The following METTL16 variants were observed in gnomAD, a reference collection of about 807,000 sequenced individuals.
The protein encoded by METTL16 is RNA N(6)-adenosine-methyltransferase METTL16.
METTL16 carries 19 observed loss-of-function variants against 57.9 expected under a neutral mutation model. The observed-to-expected ratio is 0.33, with a 90% confidence interval of 0.23 to 0.48. The LOEUF (loss-of-function observed/expected upper bound fraction) is 0.48, where lower values mean the gene tolerates loss of function less well. METTL16 is among the 20% of genes least tolerant of loss of function. METTL16 has a pLI of 0.99. For missense variants in METTL16, 434 were observed against 691.5 expected (o/e 0.63, Z 4.18); for synonymous variants, 246 against 255.6 (o/e 0.96, Z 0.36).
At chr17:2,472,900 T>C (rs961849680) in intron 4 of METTL16, among the ~76,000 whole-genome samples, 9 of 152,110 alleles carry the variant, frequency 5.9e-5, no homozygotes, top group Admixed American at 2.6e-4. Flanking sequence ...AACGATTCTG[T>C]GTATACCGTA....
chr17:2,502,990 T>C (rs2067500933), intron 1 of METTL16, among the ~76,000 whole-genome samples: 1 of 152,190 alleles, frequency 6.6e-6, no homozygotes, highest in African/African-American at 2.4e-5. Flanking sequence ...TCTCATGCAT[T>C]GCTGTTGGGA....
chr17:2,419,752 C>T lies in METTL16; in HGVS notation c.*218G>A. Reference sequence around the variant, plus strand: ...AGGGCTTTCTGTTGTTACTGATGACCACAATTCCTCCTTGTAAATGACCAC... The same window carrying T: ...AGGGCTTTCTGTTGTTACTGATGACTACAATTCCTCCTTGTAAATGACCAC... On this transcript the variant is annotated 3_prime_UTR_variant, in exon 10 of 10. Coordinates refer to ENST00000263092, the MANE Select transcript of METTL16 (RefSeq NM_024086.4). 1.4e-6 allele frequency: 1 copy of T among 704,826 alleles called. No homozygotes were observed. Among genetic ancestry groups the T allele is most frequent in the South Asian group, 1.5e-5 (1 of 66,892 alleles). The allele number at this position is 704,826 out of a possible 1,614,324, so 43.7% of individuals were successfully genotyped here.
chr17:2,502,409 G>A, intron 1 of METTL16, 78 bp from the exon 2 acceptor site: 2 of 1,410,218 alleles, frequency 1.4e-6, no homozygotes, highest in Non-Finnish European at 2.0e-6. Context: ...GGTGCCTCAT[G>A]CCTCTAATCC....
In METTL16 at chr17:2,477,678, T is replaced by C. The variant is rs1263585540; in HGVS notation, c.328+8A>G. On this transcript the variant is annotated splice_region_variant and intron_variant, in intron 3 of 9. Coordinates refer to ENST00000263092, the MANE Select transcript of METTL16 (RefSeq NM_024086.4). ...TGTTTAGCCAAAAAAGAATTTAAAA[T>C]GATATACCTATGTCAATTCCTCTTC... The C allele has an allele frequency of 1.9e-6, 3 of 1,600,158 alleles. No homozygotes were observed. The Admixed American group carries it at 5.0e-5, about 27-fold the overall frequency.
In METTL16 at chr17:2,425,632, C is replaced by A. The variant is rs946922346; in HGVS notation, c.889-4728G>T. Among the ~76,000 whole-genome samples the A allele has an allele frequency of 4.6e-5, 7 of 151,930 alleles. No individual in the cohort carries two copies. In the South Asian group the frequency reaches 8.3e-4, roughly 18 times the overall value. ...CACAAACAAACAAACAAACAAAAAA[C>A]CAGTTCTTAAATTTTAAAATATGCT... On this transcript the variant is annotated intron_variant, in intron 8 of 9. Coordinates refer to ENST00000263092, the MANE Select transcript of METTL16 (RefSeq NM_024086.4).
chr17:2,509,219 T>C (rs937887747), intron 1 of METTL16, among the ~76,000 whole-genome samples: 3 of 152,224 alleles, frequency 2.0e-5, no homozygotes, highest in Non-Finnish European at 4.4e-5. Flanking sequence ...GCAACCTGTA[T>C]ACAATAAATA....
chr17:2,449,528 AAAAC>A (rs1257781569), intron 6 of METTL16, among the ~76,000 whole-genome samples: 7 of 152,046 alleles, frequency 4.6e-5, no homozygotes, highest in Non-Finnish European at 7.4e-5. Context: ...TTGAAAACAA[AAAAC>A]AAACAAAAAA....
intron 8 of METTL16, among the ~76,000 whole-genome samples, chr17:2,435,096 A>G (rs2066900182): frequency 6.6e-6 from 1 of 151,362 alleles, no homozygotes; most frequent in Non-Finnish European, 1.5e-5. Context: ...AGCTGAAATT[A>G]TGGAACAAAA....
intron 6 of METTL16, among the ~76,000 whole-genome samples, chr17:2,448,405 A>C: frequency 1.1e-4 from 4 of 38,050 alleles, no homozygotes; most frequent in African/African-American, 4.1e-4. Context: ...ACTAAGAAAA[A>C]TTCTTCTGCC....
chr17:2,485,399 G>A (rs1053285715), intron 2 of METTL16, among the ~76,000 whole-genome samples: 92 of 152,136 alleles, frequency 6.0e-4, no homozygotes, highest in African/African-American at 2.1e-3. Context: ...AATGTAATGC[G>A]CTTGAATCAT....
At chr17:2,446,734 T>C (rs964526115) in intron 6 of METTL16, among the ~76,000 whole-genome samples, 7 of 152,056 alleles carry the variant, frequency 4.6e-5, no homozygotes, top group Non-Finnish European at 8.8e-5. Flanking sequence ...CTCAGCCTGC[T>C]ACGCCTCACT....
intron 4 of METTL16, among the ~76,000 whole-genome samples, chr17:2,472,167 T>TA (rs1456123511): frequency 6.1e-5 from 9 of 148,712 alleles, no homozygotes; most frequent in Non-Finnish European, 1.3e-4. Flanking sequence ...AAAAAAGATA[T>TA]ACAGATGGTA....
chr17:2,453,383 T>C (rs140096583), intron 6 of METTL16, among the ~76,000 whole-genome samples: 134 of 152,322 alleles, frequency 8.8e-4, no homozygotes, highest in Non-Finnish European at 1.6e-3. Context: ...CTTCTTTTAC[T>C]CTCATGACCT....
rs749976111 is a variant in METTL16, at chr17:2,438,184, C to T, written c.813G>A (p.Thr271=). 2.9e-5 allele frequency: 47 copies of T among 1,613,274 alleles called. No homozygotes were observed. The highest frequency in any genetic ancestry group is 1.7e-5 in the Admixed American group (1 of 59,988). Residue 271 remains threonine, a synonymous_variant, in exon 8 of 10, where the codon ACG becomes ACA. Transcript: ENST00000263092. ...ELRIQGVPKV[T]YTEFCQGRTM... ...TCCGACCTTGACAGAATTCAGTGTA[C>T]GTTACTTTGGGAACCTGAAACCAAC...
chr17:2,469,947 A>G (rs921894715), intron 4 of METTL16, among the ~76,000 whole-genome samples: 3 of 152,358 alleles, frequency 2.0e-5, no homozygotes, highest in Admixed American at 6.5e-5. Context: ...TATATTCTAC[A>G]AAGTAGCCAC....
At chr17:2,473,461 G>A (rs930230637) in intron 4 of METTL16, 63 bp downstream of exon 4, 1 of 1,526,346 alleles carries the variant, frequency 6.6e-7, no homozygotes, top group East Asian at 2.3e-5. Context: ...GTAATGAAAT[G>A]CGTTAAACTA....
chr17:2,473,426 C>G, intron 4 of METTL16, 98 bp downstream of exon 4: 1 of 1,352,018 alleles, frequency 7.4e-7, no homozygotes, highest in Non-Finnish European at 9.9e-7. Context: ...TTTAAATTAC[C>G]GAAGTCTGTG....
At chr17:2,446,699 C>A (rs1480380865) in intron 6 of METTL16, among the ~76,000 whole-genome samples, 1 of 152,112 alleles carries the variant, frequency 6.6e-6, no homozygotes, top group Non-Finnish European at 1.5e-5. Context: ...CGGCTCACTG[C>A]AGCCTCCCTG....
chr17:2,458,145 G>C (rs889745957), intron 6 of METTL16, among the ~76,000 whole-genome samples: 8 of 152,230 alleles, frequency 5.3e-5, no homozygotes, highest in African/African-American at 1.9e-4. Flanking sequence ...CTCCCAAAGT[G>C]CTAGGATTAT....
Sources: allele counts gnomAD v4.1 joint callset (sites outside exome capture counted in the v4.1 genomes callset), GRCh38; gene constraint gnomAD v4.1.1; transcripts MANE v1.5; gene names NCBI Gene and HGNC (gene_info 2026-07-23, HGNC 2026-07-21).